Variants in RBFOX1 observed in about 807,000 individuals in gnomAD.
The protein encoded by RBFOX1 is RNA binding protein fox-1 homolog 1.
RBFOX1 carries 8 observed loss-of-function variants against 57.7 expected under a neutral mutation model. That is an observed-to-expected ratio of 0.14 (90% CI 0.08 to 0.25). RBFOX1 has a LOEUF of 0.25. Among genes scored for constraint, RBFOX1 ranks in the 10% least tolerant of loss-of-function variants. The pLI, the probability that RBFOX1 is intolerant of heterozygous loss-of-function variation, is 1.00. For missense variants in RBFOX1, 611 were observed against 548.5 expected, an observed-to-expected ratio of 1.11 and a Z score of -1.14; for synonymous variants, 326 against 222.4, an observed-to-expected ratio of 1.47 and a Z score of -4.15.
intron 3 of RBFOX1, among the ~76,000 whole-genome samples, chr16:6,792,885 C>G (rs558394274): frequency 6.6e-6 from 1 of 152,066 alleles, no homozygotes; most frequent in South Asian, 2.1e-4. Flanking sequence ...AAAAAATTAG[C>G]TGGGTGTGAT....
intron 4 of RBFOX1, among the ~76,000 whole-genome samples, chr16:5,984,330 C>G (rs1167930726): frequency 6.6e-6 from 1 of 151,006 alleles, no homozygotes; most frequent in East Asian, 2.0e-4. Context: ...AGACAAAGGA[C>G]AGGTAAGAAA....
At chr16:6,241,251 AAAC>A (rs2097538716) in intron 1 of RBFOX1, among the ~76,000 whole-genome samples, 1 of 152,232 alleles carries the variant, frequency 6.6e-6, no homozygotes, top group African/African-American at 2.4e-5. Flanking sequence ...TGCCTATTTA[AAAC>A]AACAACAAAA....
intron 1 of RBFOX1, among the ~76,000 whole-genome samples, chr16:5,463,737 T>A (rs1177315979): frequency 6.6e-6 from 1 of 150,620 alleles, no homozygotes; most frequent in East Asian, 1.9e-4. Context: ...GAGATGGAGG[T>A]TGCAGTAAGT....
chr16:7,306,360 AC>A (rs765023167), intron 4 of RBFOX1, among the ~76,000 whole-genome samples: 2 of 152,114 alleles, frequency 1.3e-5, no homozygotes, highest in Non-Finnish European at 2.9e-5. Context: ...GAGGAAAAAC[AC>A]CCCTGCTCTG....
chr16:6,801,876 C>T (rs1748669214), intron 3 of RBFOX1, among the ~76,000 whole-genome samples: 1 of 152,054 alleles, frequency 6.6e-6, no homozygotes, highest in African/African-American at 2.4e-5. Context: ...CTAAGTGGTT[C>T]ATTTATTGTC....
At chr16:5,819,127 A>G (rs963359040) in intron 3 of RBFOX1, among the ~76,000 whole-genome samples, 7 of 152,184 alleles carry the variant, frequency 4.6e-5, no homozygotes, top group African/African-American at 1.4e-4. Flanking sequence ...TGGCTTATAC[A>G]CAACAGAAAT....
chr16:5,440,409 T>C (rs1432325509), intron 1 of RBFOX1, among the ~76,000 whole-genome samples: 1 of 152,258 alleles, frequency 6.6e-6, no homozygotes, highest in Non-Finnish European at 1.5e-5. Context: ...CTATGGGTTA[T>C]CTTTTGTTTT....
intron 4 of RBFOX1, among the ~76,000 whole-genome samples, chr16:7,134,621 C>G (rs984143318): frequency 6.6e-6 from 1 of 152,160 alleles, no homozygotes; most frequent in African/African-American, 2.4e-5. Context: ...ACCCTGCCCA[C>G]ATCCAGAAAA....
chr16:6,117,687 C>T (rs781257884), intron 1 of RBFOX1, among the ~76,000 whole-genome samples: 25 of 152,246 alleles, frequency 1.6e-4, no homozygotes, highest in Non-Finnish European at 3.4e-4. Context: ...TTCCCAGCCT[C>T]CAGAACTGTG....
At chr16:6,429,761 T>C (rs537481407) in intron 2 of RBFOX1, among the ~76,000 whole-genome samples, 2 of 152,168 alleles carry the variant, frequency 1.3e-5, no homozygotes, top group Non-Finnish European at 2.9e-5. Context: ...CCATGTAAGA[T>C]GTGTCTTGCT....
chr16:7,499,633 C>T (rs903900362), intron 4 of RBFOX1, among the ~76,000 whole-genome samples: 2 of 151,984 alleles, frequency 1.3e-5, no homozygotes, highest in African/African-American at 2.4e-5. Context: ...AAAAATCAAA[C>T]GAGAAAAAAC....
At chr16:7,500,635 A>G (rs1386428226) in intron 4 of RBFOX1, among the ~76,000 whole-genome samples, 3 of 152,174 alleles carry the variant, frequency 2.0e-5, no homozygotes, top group Non-Finnish European at 4.4e-5. Context: ...TGATTTGGGC[A>G]TTTCACTGAG....
intron 2 of RBFOX1, among the ~76,000 whole-genome samples, chr16:6,524,066 C>G (rs568836813): frequency 1.6e-4 from 25 of 152,010 alleles, no homozygotes; most frequent in Admixed American, 3.9e-4. Context: ...GTATAGTCAC[C>G]CTGTTGTGCT....
intron 3 of RBFOX1, among the ~76,000 whole-genome samples, chr16:7,034,848 C>CTTTTCTT (rs1412479062): frequency 1.6e-4 from 5 of 30,828 alleles, no homozygotes; most frequent in African/African-American, 5.2e-4. Context: ...TTTCTTTTTT[C>CTTTTCTT]TTTTTTTTTT....
chr16:7,345,518 G>A (rs1279407250), intron 4 of RBFOX1, among the ~76,000 whole-genome samples: 1 of 152,216 alleles, frequency 6.6e-6, no homozygotes, highest in Non-Finnish European at 1.5e-5. Context: ...TGACTTAGCA[G>A]AGGGACTTGG....
At chr16:7,067,803 G>A (rs552389704) in intron 4 of RBFOX1, among the ~76,000 whole-genome samples, 4 of 149,930 alleles carry the variant, frequency 2.7e-5, no homozygotes, top group Non-Finnish European at 5.9e-5. Flanking sequence ...TTTTGTCCTT[G>A]CGATAGTTTA....
At chr16:5,906,801 C>T (rs949963937) in intron 4 of RBFOX1, among the ~76,000 whole-genome samples, 1 of 120,902 alleles carries the variant, frequency 8.3e-6, no homozygotes, top group African/African-American at 3.2e-5. Context: ...GTGACGCTTT[C>T]TTGGCTCACT....
In RBFOX1 at chr16:6,236,145, A is replaced by C. The variant is rs1302221390; in HGVS notation, c.-126-80850A>C. On this transcript the variant is annotated intron_variant, in intron 1 of 15. Transcript: ENST00000550418. Reference sequence around the variant, plus strand: ...AAAAGCAAAACATATTCCATACTTTATTTTTCTAATAAAGAAGAGCAACAT... The same window carrying C: ...AAAAGCAAAACATATTCCATACTTTCTTTTTCTAATAAAGAAGAGCAACAT... 2.0e-5 allele frequency among the ~76,000 whole-genome samples: 3 copies of C among 152,180 alleles called. No homozygotes were observed. In the East Asian group the frequency reaches 5.8e-4, roughly 29 times the overall value.
rs1050531447 is a variant in RBFOX1, at chr16:6,279,184, A to G, written c.-126-37811A>G. ...TAAAACATTTACATCTTGATGTATT[A>G]AGGTACTTGAGTGGTTTTTAGACAT... On this transcript the variant is annotated intron_variant, in intron 1 of 15. Transcript: ENST00000550418. Among the ~76,000 whole-genome samples, 6 of 152,286 alleles carry G rather than the reference A, an allele frequency of 3.9e-5. No individual in the cohort carries two copies. In the Middle Eastern group the frequency reaches 0.02, roughly 518 times the overall value.
Sources: allele counts gnomAD v4.1 joint callset (sites outside exome capture counted in the v4.1 genomes callset), GRCh38; gene constraint gnomAD v4.1.1; transcripts MANE v1.5; gene names NCBI Gene and HGNC (gene_info 2026-07-23, HGNC 2026-07-21).